NID1: variants seen among roughly 807,000 people sequenced by gnomAD.
NID1 encodes the protein nidogen-1.
NID1 carries 76 observed loss-of-function variants against 130.6 expected under a neutral mutation model. The ratio of observed to expected loss-of-function variants is 0.58; its 90% CI spans 0.48 to 0.70. NID1 has a LOEUF of 0.70. Ranked by LOEUF, NID1 falls within the 30% of genes least tolerant of loss-of-function variation. NID1 has a pLI of 0.00. For missense variants in NID1, 1,517 were observed against 1,664.8 expected (o/e 0.91, Z 1.54); for synonymous variants, 665 against 675.1 (o/e 0.98, Z 0.23).
chr1:236,029,966 C>T (rs1259176293), intron 6 of NID1, among the ~76,000 whole-genome samples: 3 of 152,140 alleles, frequency 2.0e-5, no homozygotes, highest in Non-Finnish European at 2.9e-5. Context: ...TTCCTAGCCA[C>T]AGCCCAGCAT....
rs376562147 is a variant in NID1 at position 235,979,926 on chromosome 1, G to A, written c.3405C>T (p.Cys1135=). ...GTCTGCTGGGCTGACTGGGGTTCAGGCATTCCGCCCGATTGGTGCCTGTGT... is the reference window on the plus strand; with the variant it reads ...GTCTGCTGGGCTGACTGGGGTTCAGACATTCCGCCCGATTGGTGCCTGTGT... ...WVDAGTNRAE[C]LNPSQPSRRK... The change falls in exon 18 of 20, where the codon TGC becomes TGT. Residue 1135 remains cysteine, a synonymous_variant. Transcript: ENST00000264187. This position sits in a 1 kb window ranked among gnomAD's most constrained non-coding sequence, Gnocchi z 4.6. The A allele has an allele frequency of 8.7e-6, 14 of 1,613,978 alleles. No homozygotes were observed. The highest frequency in any genetic ancestry group is 1.2e-5 in the Non-Finnish European group (14 of 1,179,992).
intron 5 of NID1, among the ~76,000 whole-genome samples, chr1:236,034,755 C>T (rs1469961957): frequency 6.6e-6 from 1 of 152,016 alleles, no homozygotes; most frequent in Non-Finnish European, 1.5e-5. Context: ...TATTAAAACC[C>T]ACCAAATTGT....
At chr1:235,980,921 C>G (rs1657419712) in intron 16 of NID1, among the ~76,000 whole-genome samples, 1 of 152,078 alleles carries the variant, frequency 6.6e-6, no homozygotes, top group Non-Finnish European at 1.5e-5. Context: ...AAGCTGTTAG[C>G]AAAAGAAAAC....
chr1:235,975,874 C>G lies in NID1; in HGVS notation c.*1993G>C, dbSNP rs1657235276. On this transcript the variant is annotated 3_prime_UTR_variant, in exon 20 of 20. Transcript: ENST00000264187. Reference sequence around the variant, plus strand: ...TTTATTTTCCACACTATTTGTACAGCTGTAAACTCAAGGAATCATCCAATA... The same window carrying G: ...TTTATTTTCCACACTATTTGTACAGGTGTAAACTCAAGGAATCATCCAATA... The G allele has an allele frequency of 6.6e-6, 1 of 152,554 alleles. No homozygotes were observed. 9.5% of individuals were successfully genotyped at this position (152,554 alleles called of 1,614,324 possible).
chr1:236,008,728 G>A (rs1289247091), intron 12 of NID1, among the ~76,000 whole-genome samples: 1 of 150,766 alleles, frequency 6.6e-6, no homozygotes, highest in African/African-American at 2.4e-5. Flanking sequence ...ATGCAACGGC[G>A]TGATCTCGGA....
At chr1:236,014,211 A>ACC (rs143348014) in intron 10 of NID1, among the ~76,000 whole-genome samples, 9 of 134,828 alleles carry the variant, frequency 6.7e-5, no homozygotes, top group Non-Finnish European at 9.3e-5. Context: ...TCTTCCCCCC[A>ACC]CCCCCTCAAC....
chr1:236,002,987 C>T (rs1288997039), intron 12 of NID1, among the ~76,000 whole-genome samples: 1 of 152,146 alleles, frequency 6.6e-6, no homozygotes, highest in Non-Finnish European at 1.5e-5. Flanking sequence ...AGTGCAAATC[C>T]TCCCTCTCTC....
intron 12 of NID1, among the ~76,000 whole-genome samples, chr1:236,000,313 G>A (rs142490163): frequency 6.6e-6 from 1 of 152,156 alleles, no homozygotes; most frequent in Non-Finnish European, 1.5e-5. Context: ...CTCTGAAGCC[G>A]CCTACCTGGA....
At chr1:235,990,370 G>T (rs1462362003) in intron 14 of NID1, among the ~76,000 whole-genome samples, 1 of 152,160 alleles carries the variant, frequency 6.6e-6, no homozygotes, top group Non-Finnish European at 1.5e-5. Flanking sequence ...AAGAGCCAAT[G>T]ATCTCAGACC....
At chr1:236,034,628 G>A (rs943128449) in intron 5 of NID1, among the ~76,000 whole-genome samples, 1 of 152,120 alleles carries the variant, frequency 6.6e-6, no homozygotes, top group African/African-American at 2.4e-5. Flanking sequence ...GCTTGACAGC[G>A]GCTGGGGGCA....
rs573367427 is a variant in NID1 at position 236,049,486 on chromosome 1, G to C, written c.226-497C>G. The stretch of plus-strand genomic sequence containing the variant: ...CAGGGTGAACCCTTGTCTCAAAAAA[G>C]AAAAAGAAAGAAAAGAAAAATGGTT... On this transcript the variant is annotated intron_variant, in intron 1 of 19. Coordinates refer to ENST00000264187, the MANE Select transcript of NID1 (RefSeq NM_002508.3). Among the ~76,000 whole-genome samples, 75 of 151,780 alleles carry C rather than the reference G, an allele frequency of 4.9e-4. 3 individuals are homozygous for C. Among genetic ancestry groups the C allele is most frequent in the Middle Eastern group, 6.8e-3 (2 of 294 alleles).
intron 12 of NID1, among the ~76,000 whole-genome samples, chr1:236,006,287 C>T (rs949534836): frequency 6.6e-6 from 1 of 152,030 alleles, no homozygotes; most frequent in Non-Finnish European, 1.5e-5. Flanking sequence ...TTTGACCCTC[C>T]CTAGAAATTA....
At chr1:236,039,596 A>T (rs990123899) in intron 4 of NID1, among the ~76,000 whole-genome samples, 11 of 152,334 alleles carry the variant, frequency 7.2e-5, no homozygotes, top group African/African-American at 2.2e-4. Flanking sequence ...GAACTAGCTC[A>T]TTATATTTAA....
intron 7 of NID1, among the ~76,000 whole-genome samples, chr1:236,027,377 C>G (rs543709987): frequency 6.6e-6 from 1 of 152,190 alleles, no homozygotes; most frequent in Non-Finnish European, 1.5e-5. Context: ...AGCTCCCACA[C>G]GCCAGAAAGG....
chr1:236,025,344 C>A (rs1284454284), intron 8 of NID1, among the ~76,000 whole-genome samples: 1 of 150,710 alleles, frequency 6.6e-6, no homozygotes, highest in Non-Finnish European at 1.5e-5. Context: ...TGACTACAAC[C>A]TCTGCCTCCT....
chr1:236,019,042 C>T (rs1422889844), intron 9 of NID1, among the ~76,000 whole-genome samples: 1 of 152,218 alleles, frequency 6.6e-6, no homozygotes, highest in Non-Finnish European at 1.5e-5. Flanking sequence ...AAATGCTCTT[C>T]AACTTTTAGA....
intron 10 of NID1, among the ~76,000 whole-genome samples, chr1:236,015,949 C>T (rs1034535901): frequency 6.6e-6 from 1 of 152,148 alleles, no homozygotes; most frequent in Non-Finnish European, 1.5e-5. Context: ...AAACCCAGGT[C>T]ACCATGCTCC....
intron 11 of NID1, 56 bp downstream of exon 11, chr1:236,013,355 C>T: frequency 6.3e-7 from 1 of 1,593,708 alleles, no homozygotes; most frequent in East Asian, 2.2e-5. Flanking sequence ...ATGACAGGTA[C>T]CACCTAGGAA....
intron 3 of NID1, among the ~76,000 whole-genome samples, chr1:236,043,521 G>A (rs2385053): frequency 0.47 from 71,197 of 151,820 alleles, 17,032 homozygotes; most frequent in East Asian, 0.68. Context: ...CTCCAGGGCC[G>A]GGCGCGGTGG....
Sources: allele counts gnomAD v4.1 joint callset (sites outside exome capture counted in the v4.1 genomes callset), GRCh38; gene constraint gnomAD v4.1.1; non-coding constraint Gnocchi (gnomAD v3.1); transcripts MANE v1.5; gene names NCBI Gene and HGNC (gene_info 2026-07-23, HGNC 2026-07-21).